The following ERC2 variants were observed in gnomAD, a reference collection of about 807,000 sequenced individuals.
ERC2 encodes the protein ERC protein 2.
In ERC2, 42 loss-of-function variants were observed where a neutral mutation model predicts 114.8. The observed-to-expected ratio is 0.37, with a 90% CI of 0.29 to 0.47. The LOEUF is 0.47. Among genes scored for constraint, ERC2 ranks in the 20% least tolerant of loss-of-function variants. ERC2 has a pLI of 0.99. For missense variants in ERC2, 939 were observed against 1,150.7 expected (o/e 0.82, Z 2.66); for synonymous variants, 454 against 425.5 (o/e 1.07, Z -0.82).
chr3:55,980,173 G>C (rs1362803090), intron 12 of ERC2, among the ~76,000 whole-genome samples: 1 of 149,628 alleles, frequency 6.7e-6, no homozygotes. Flanking sequence ...AAAATCAGCT[G>C]ATTTCTGGGT....
chr3:55,981,968 G>A (rs1399656305), intron 12 of ERC2, among the ~76,000 whole-genome samples: 1 of 152,196 alleles, frequency 6.6e-6, no homozygotes, highest in African/African-American at 2.4e-5. Flanking sequence ...AGCCCACACA[G>A]TCAGTGGGCT....
chr3:55,602,054 T>G, intron 17 of ERC2, among the ~76,000 whole-genome samples: 1 of 152,256 alleles, frequency 6.6e-6, no homozygotes, highest in East Asian at 1.9e-4. Context: ...ATCAGGTATC[T>G]CTTCTATTTC....
chr3:55,695,623 A>T (rs2062885825), intron 16 of ERC2, among the ~76,000 whole-genome samples: 1 of 152,084 alleles, frequency 6.6e-6, no homozygotes, highest in South Asian at 2.1e-4. Flanking sequence ...TCTTTCTCAG[A>T]TATTATTGCC....
At chr3:56,234,237 T>C (rs913688917) in intron 3 of ERC2, among the ~76,000 whole-genome samples, 1 of 152,248 alleles carries the variant, frequency 6.6e-6, no homozygotes, top group Non-Finnish European at 1.5e-5. Context: ...TTCACTCTTT[T>C]CTTGAAATGA....
chr3:55,752,321 A>C (rs1262252956), intron 14 of ERC2, among the ~76,000 whole-genome samples: 1 of 152,224 alleles, frequency 6.6e-6, no homozygotes, highest in East Asian at 1.9e-4. Flanking sequence ...GCTGGCTGCT[A>C]GCTAGCGAGA....
intron 17 of ERC2, among the ~76,000 whole-genome samples, chr3:55,643,455 A>G (rs1448132351): frequency 6.6e-6 from 1 of 152,178 alleles, no homozygotes; most frequent in Non-Finnish European, 1.5e-5. Context: ...GGGACTTGCC[A>G]TTACATCCTT....
At chr3:56,199,978 G>T (rs2048318867) in intron 3 of ERC2, among the ~76,000 whole-genome samples, 1 of 152,074 alleles carries the variant, frequency 6.6e-6, no homozygotes, top group African/African-American at 2.4e-5. Flanking sequence ...ATAATTGGAG[G>T]TATAGTCTTT....
intron 14 of ERC2, among the ~76,000 whole-genome samples, chr3:55,777,913 A>C (rs2068746085): frequency 6.6e-6 from 1 of 152,208 alleles, no homozygotes; most frequent in South Asian, 2.1e-4. Context: ...TTCTAAAAAA[A>C]ATTAATTTTG....
At chr3:55,873,303 A>T (rs1163544411) in intron 14 of ERC2, among the ~76,000 whole-genome samples, 1 of 152,162 alleles carries the variant, frequency 6.6e-6, no homozygotes, top group Non-Finnish European at 1.5e-5. Context: ...TGTTAAACAC[A>T]TGGCCAAACC....
rs538665913 is a variant in ERC2 at position 56,118,793 on chromosome 3, C to T, written c.1473+20716G>A. ...CTGGGACTACAGGCACCCGCCACCACGCCCGGCTAATTTTTTGTATTTTTA... is the reference window on the plus strand; with the variant it reads ...CTGGGACTACAGGCACCCGCCACCATGCCCGGCTAATTTTTTGTATTTTTA... On this transcript the variant is annotated intron_variant, in intron 6 of 17. Coordinates refer to ENST00000288221, the MANE Select transcript of ERC2 (RefSeq NM_015576.3). Among the ~76,000 whole-genome samples, 52 of 151,756 alleles carry T rather than the reference C, an allele frequency of 3.4e-4. 1 individual carries two copies. In the South Asian group the frequency reaches 0.01, roughly 29 times the overall value.
chr3:55,749,698 T>C (rs1002992453), intron 14 of ERC2, among the ~76,000 whole-genome samples: 16 of 152,036 alleles, frequency 1.1e-4, no homozygotes, highest in African/African-American at 3.6e-4. Flanking sequence ...AAACAGAACA[T>C]GGGCGGGGAC....
At chr3:56,446,115 TC>T (rs2062550145) in intron 1 of ERC2, among the ~76,000 whole-genome samples, 2 of 152,104 alleles carry the variant, frequency 1.3e-5, no homozygotes, top group Non-Finnish European at 2.9e-5. Context: ...AAATGTGAAA[TC>T]TTGTAGGTGT....
chr3:55,599,156 T>C (rs1442477079), intron 17 of ERC2, among the ~76,000 whole-genome samples: 1 of 152,214 alleles, frequency 6.6e-6, no homozygotes, highest in Non-Finnish European at 1.5e-5. Flanking sequence ...AAATGACTAA[T>C]AACTATAACC....
Position 55,675,903 on chromosome 3 carries a change from C to CTTTTTTTTTTTTTT in ERC2, c.*39+7877_*39+7890dup, listed in dbSNP as rs869296098. ...TTCCATCTTTCTTTCTCTTTTCTTT[C>CTTTTTTTTTTTTTT]TTTTTTTTTTTTTTTTTTTTTTTTT... On this transcript the variant is annotated intron_variant, in intron 17 of 17. Transcript: ENST00000288221. 6.8e-3 allele frequency among the ~76,000 whole-genome samples: 328 copies of CTTTTTTTTTTTTTT among 48,004 alleles called. 63 individuals are homozygous for CTTTTTTTTTTTTTT. Among genetic ancestry groups the CTTTTTTTTTTTTTT allele is most frequent in the Non-Finnish European group, 8.0e-3 (227 of 28,380 alleles). The allele number at this position is 48,004 out of a possible 152,430, so 31.5% of individuals were successfully genotyped here. A position where few individuals can be genotyped will look rare whatever the true frequency, so the allele number is the denominator to read the frequency against.
intron 6 of ERC2, among the ~76,000 whole-genome samples, chr3:56,130,104 G>T (rs1169549247): frequency 6.6e-6 from 1 of 151,730 alleles, no homozygotes; most frequent in Admixed American, 6.6e-5. Context: ...CATACAAAAA[G>T]AGTACTGTAA....
intron 5 of ERC2, among the ~76,000 whole-genome samples, chr3:56,147,018 G>T (rs752290578): frequency 6.6e-6 from 1 of 152,236 alleles, no homozygotes; most frequent in Non-Finnish European, 1.5e-5. Flanking sequence ...ATGATGAGGG[G>T]CAGAGTTTAC....
At chr3:56,065,101 G>A (rs1013110092) in intron 7 of ERC2, among the ~76,000 whole-genome samples, 1 of 152,078 alleles carries the variant, frequency 6.6e-6, no homozygotes, top group Non-Finnish European at 1.5e-5. Flanking sequence ...GAAATCTTAG[G>A]TATTTTATCT....
intron 17 of ERC2, among the ~76,000 whole-genome samples, chr3:55,675,903 C>T (rs6778526): frequency 0.05 from 2,378 of 48,030 alleles, 165 homozygotes; most frequent in Non-Finnish European, 0.06. Flanking sequence ...TCTTTTCTTT[C>T]TTTTTTTTTT....
intron 1 of ERC2, among the ~76,000 whole-genome samples, chr3:56,445,010 AGTG>A (rs2062496000): frequency 6.6e-6 from 1 of 152,240 alleles, no homozygotes; most frequent in South Asian, 2.1e-4. Context: ...TAGCTAGCAC[AGTG>A]TTGTTTAGAA....
Sources: gnomAD v4.1 joint callset for allele counts (sites outside exome capture counted in the v4.1 genomes callset) on GRCh38, gnomAD v4.1.1 for gene constraint, MANE v1.5 for transcripts, NCBI Gene and HGNC (gene_info 2026-07-23, HGNC 2026-07-21) for gene names.